The following MDFIC2 variants were observed in gnomAD, a reference collection of about 807,000 sequenced individuals.
MDFIC2 encodes MyoD family inhibitor domain containing 2, also known as myoD family inhibitor domain-containing protein 2.
At chr3:70,211,744 C>A (rs190599355) in intron 2 of MDFIC2, among the ~76,000 whole-genome samples, 1 of 139,440 alleles carries the variant, frequency 7.2e-6, no homozygotes, top group East Asian at 2.2e-4. Context: ...TTTCCTTTTT[C>A]TTCCTTTCTG....
intron 2 of MDFIC2, among the ~76,000 whole-genome samples, chr3:70,254,580 G>C (rs1025391045): frequency 3.3e-5 from 5 of 152,160 alleles, no homozygotes; most frequent in African/African-American, 1.2e-4. Flanking sequence ...TGAGGTGGCA[G>C]AGGTTATCAT....
chr3:70,277,173 G>A lies in MDFIC2; in HGVS notation c.88+34713C>T, dbSNP rs566841460. ...CAAACTTTCCTGATAGGCTCCTAAG[G>A]ATTGAGAAGGCTGGAACAATGAACA... On this transcript the variant is annotated intron_variant, in intron 2 of 3. Coordinates refer to ENST00000567252, the MANE Select transcript of MDFIC2 (RefSeq NM_001364677.1). Among the ~76,000 whole-genome samples the A allele has an allele frequency of 2.0e-5, 3 of 152,302 alleles. 1 individual carries two copies. The highest frequency in any genetic ancestry group is 6.5e-5 in the Admixed American group (1 of 15,290).
chr3:70,206,471 T>C, intron 3 of MDFIC2, 98 bp downstream of exon 3: 1 of 395,840 alleles, frequency 2.5e-6, no homozygotes, highest in Non-Finnish European at 4.5e-6. Flanking sequence ...TTAATATTCA[T>C]AAGGACTTTT....
intron 2 of MDFIC2, among the ~76,000 whole-genome samples, chr3:70,230,679 A>C (rs975841341): frequency 6.6e-6 from 1 of 152,172 alleles, no homozygotes; most frequent in Admixed American, 6.5e-5. Flanking sequence ...TTGATAATCA[A>C]TTCTAGGTTT....
intron 2 of MDFIC2, among the ~76,000 whole-genome samples, chr3:70,243,070 A>G (rs901309159): frequency 6.6e-6 from 1 of 152,170 alleles, no homozygotes; most frequent in Non-Finnish European, 1.5e-5. Context: ...TTCTAATTGT[A>G]AGGTGGAGGA....
chr3:70,251,799 C>A (rs536926804), intron 2 of MDFIC2, among the ~76,000 whole-genome samples: 3 of 152,190 alleles, frequency 2.0e-5, no homozygotes, highest in South Asian at 4.1e-4. Flanking sequence ...AGCTTTGAGT[C>A]AAACCCTACT....
At chr3:70,255,988 T>G (rs532762510) in intron 2 of MDFIC2, among the ~76,000 whole-genome samples, 2 of 152,222 alleles carry the variant, frequency 1.3e-5, no homozygotes, top group Non-Finnish European at 2.9e-5. Context: ...TACCCACTTT[T>G]CTTTCTCCAC....
intron 2 of MDFIC2, among the ~76,000 whole-genome samples, chr3:70,250,064 T>A (rs1030973661): frequency 6.6e-6 from 1 of 152,302 alleles, no homozygotes. Context: ...ATAAAGGGTG[T>A]GGTCAGGTTG....
chr3:70,248,396 G>A (rs1276510385), intron 2 of MDFIC2, among the ~76,000 whole-genome samples: 1 of 152,084 alleles, frequency 6.6e-6, no homozygotes, highest in Non-Finnish European at 1.5e-5. Flanking sequence ...GCCAAAAAGT[G>A]TTGGGTTATG....
chr3:70,197,145 C>G lies in MDFIC2; in HGVS notation c.351G>C (p.Gln117His). Residue 117 changes from glutamine to histidine, a missense_variant, in exon 4 of 4, where the codon CAG becomes CAC. Coordinates refer to ENST00000567252, the MANE Select transcript of MDFIC2 (RefSeq NM_001364677.1). ...GGAGCATCAGGAGACAGTCCCAAAA[C>G]TGGCAAAACAGACAGGCGAGGATAA... The part of the protein sequence containing the change: ...ASLILACLFC[Q>H]FWDCLLMLPG... 1 of 398,482 alleles carries G rather than the reference C, an allele frequency of 2.5e-6. No homozygotes were observed. 24.7% of individuals were successfully genotyped at this position (398,482 alleles called of 1,614,324 possible).
At chr3:70,210,300 T>G (rs1348626997) in intron 2 of MDFIC2, among the ~76,000 whole-genome samples, 2 of 152,150 alleles carry the variant, frequency 1.3e-5, no homozygotes, top group Non-Finnish European at 2.9e-5. Flanking sequence ...CTGCCATTCA[T>G]AAAGTTATTT....
At chr3:70,239,236 TG>T (rs1447467819) in intron 2 of MDFIC2, among the ~76,000 whole-genome samples, 6 of 152,218 alleles carry the variant, frequency 3.9e-5, no homozygotes, top group African/African-American at 1.4e-4. Context: ...ACCTGTATCT[TG>T]TAGATATTGT....
intron 2 of MDFIC2, among the ~76,000 whole-genome samples, chr3:70,282,953 A>T (rs919072647): frequency 2.0e-5 from 3 of 152,196 alleles, no homozygotes; most frequent in Non-Finnish European, 4.4e-5. Context: ...ATAACCATTG[A>T]GTGTCCAGGC....
chr3:70,245,310 T>C (rs1302682077), intron 2 of MDFIC2, among the ~76,000 whole-genome samples: 1 of 152,042 alleles, frequency 6.6e-6, no homozygotes, highest in Non-Finnish European at 1.5e-5. Context: ...GATAACATTT[T>C]CCTCTCTCAT....
chr3:70,273,238 G>C (rs1701991000), intron 2 of MDFIC2, among the ~76,000 whole-genome samples: 1 of 152,214 alleles, frequency 6.6e-6, no homozygotes, highest in Non-Finnish European at 1.5e-5. Context: ...AGATGGAATA[G>C]CAAGTGTGCT....
chr3:70,270,637 C>T (rs1701967194), intron 2 of MDFIC2, among the ~76,000 whole-genome samples: 1 of 152,150 alleles, frequency 6.6e-6, no homozygotes, highest in Non-Finnish European at 1.5e-5. Flanking sequence ...GAGTGAGTGA[C>T]TTCCTGGGAT....
chr3:70,228,891 C>T lies in MDFIC2; in HGVS notation c.89-22101G>A, dbSNP rs540619424. Among the ~76,000 whole-genome samples the T allele has an allele frequency of 4.6e-5, 7 of 152,108 alleles. No homozygotes were observed. The South Asian group carries it at 1.2e-3, about 27-fold the overall frequency. The stretch of plus-strand genomic sequence containing the variant: ...CTATTATGTGGCAGACTATGTAGTA[C>T]GTGAGGAGAAACTCAGCTAAAAGGT... On this transcript the variant is annotated intron_variant, in intron 2 of 3. Transcript: ENST00000567252.
chr3:70,253,628 C>T (rs944747092), intron 2 of MDFIC2, among the ~76,000 whole-genome samples: 1 of 152,078 alleles, frequency 6.6e-6, no homozygotes, highest in Non-Finnish European at 1.5e-5. Flanking sequence ...GAGGCTAAGG[C>T]AGGAGGATGG....
intron 2 of MDFIC2, among the ~76,000 whole-genome samples, chr3:70,288,517 GA>G (rs1351294016): frequency 6.6e-6 from 1 of 150,554 alleles, no homozygotes; most frequent in East Asian, 2.0e-4. Context: ...GTGTGGTGCT[GA>G]AAAAAATGTA....
Sources: gnomAD v4.1 joint callset for allele counts (sites outside exome capture counted in the v4.1 genomes callset) on GRCh38, gnomAD v4.1.1 for gene constraint, MANE v1.5 for transcripts, NCBI Gene and HGNC (gene_info 2026-07-23, HGNC 2026-07-21) for gene names.